Variants in DLG1 observed in about 807,000 individuals in gnomAD.
The protein encoded by DLG1 is discs large MAGUK scaffold protein 1, also known as disks large homolog 1.
A neutral mutation model predicts 123.4 loss-of-function variants in DLG1; 42 were observed. The observed-to-expected ratio is 0.34, with a 90% CI of 0.27 to 0.44. The LOEUF is 0.44. Ranked by LOEUF, DLG1 falls within the 20% of genes least tolerant of loss-of-function variation. The pLI is 1.00. For missense variants in DLG1, 942 were observed against 1,082.6 expected (o/e 0.87, Z 1.82); for synonymous variants, 317 against 356.2 (o/e 0.89, Z 1.24).
intron 3 of DLG1, among the ~76,000 whole-genome samples, chr3:197,284,201 C>G (rs1302254307): frequency 1.3e-5 from 2 of 152,028 alleles, no homozygotes; most frequent in Non-Finnish European, 2.9e-5. Flanking sequence ...CAAAACTTTC[C>G]AAGTAAAGGG....
chr3:197,070,549 C>A (rs1742952276), intron 18 of DLG1: 2 of 126,680 alleles, frequency 1.6e-5, no homozygotes, highest in African/African-American at 2.6e-5. Context: ...AATCACCACA[C>A]CCAGCTGGAA....
chr3:197,197,241 A>G (rs558706603), intron 4 of DLG1, among the ~76,000 whole-genome samples: 28 of 152,234 alleles, frequency 1.8e-4, no homozygotes, highest in Non-Finnish European at 3.5e-4. Flanking sequence ...TCTCACGTTC[A>G]GTCCTTTTGG....
chr3:197,228,587 A>T (rs116079522), intron 4 of DLG1, among the ~76,000 whole-genome samples: 3,528 of 152,322 alleles, frequency 0.023, 56 homozygotes, highest in Non-Finnish European at 0.033. Flanking sequence ...ACCATACCTA[A>T]AACTGCAGAA....
At chr3:197,047,358 T>C (rs986720334) in intron 24 of DLG1, among the ~76,000 whole-genome samples, 11 of 151,950 alleles carry the variant, frequency 7.2e-5, no homozygotes, top group African/African-American at 2.7e-4. Flanking sequence ...GAAGGGTACA[T>C]GAAACTCCCT....
chr3:197,169,661 C>G (rs987045212), intron 5 of DLG1, among the ~76,000 whole-genome samples: 4 of 152,166 alleles, frequency 2.6e-5, no homozygotes, highest in Non-Finnish European at 5.9e-5. Flanking sequence ...AACATACTAT[C>G]TGATAGCTAA....
chr3:197,245,542 A>G (rs570466385), intron 4 of DLG1, among the ~76,000 whole-genome samples: 1 of 152,298 alleles, frequency 6.6e-6, no homozygotes. Flanking sequence ...ATAAATTCCT[A>G]TACATCCATA....
rs58384491 is a variant in DLG1 at position 197,075,317 on chromosome 3, CAAAA to C, written c.2005+1265_2005+1268del. On this transcript the variant is annotated intron_variant, in intron 18 of 24. Coordinates refer to ENST00000667157, the MANE Select transcript of DLG1 (RefSeq NM_001366207.1). ...CTCTTGTGGTAACTTATAACTTTCT[CAAAA>C]AAAAAAAAAAAAAAAAAAAAGAGAT... Among the ~76,000 whole-genome samples the C allele has an allele frequency of 5.8e-3, 520 of 90,310 alleles. 1 individual carries two copies. Among genetic ancestry groups the C allele is most frequent in the African/African-American group, 0.016 (390 of 24,850 alleles). The allele number at this position is 90,310 out of a possible 152,430, so 59.2% of individuals were successfully genotyped here.
chr3:197,047,979 G>C (rs1482135139), intron 24 of DLG1, among the ~76,000 whole-genome samples: 1 of 152,130 alleles, frequency 6.6e-6, no homozygotes, highest in Non-Finnish European at 1.5e-5. Context: ...TATGGAAGAG[G>C]AGAAAATATT....
At chr3:197,060,024 A>G in intron 22 of DLG1, 26 bp from the exon 23 acceptor site, 1 of 1,552,900 alleles carries the variant, frequency 6.4e-7, no homozygotes, top group Non-Finnish European at 8.8e-7. Flanking sequence ...CAAAGAAAAA[A>G]AACAAGTGAG....
chr3:197,297,140 G>C (rs780833054), intron 2 of DLG1, 46 bp downstream of exon 2: 1 of 1,610,598 alleles, frequency 6.2e-7, no homozygotes, highest in South Asian at 1.1e-5. Context: ...CTGACACACG[G>C]AAAAGCAAGT....
At chr3:197,217,580 T>A (rs1225087044) in intron 4 of DLG1, among the ~76,000 whole-genome samples, 1 of 152,102 alleles carries the variant, frequency 6.6e-6, no homozygotes, top group Non-Finnish European at 1.5e-5. Context: ...GTTATAAACA[T>A]ACAATGGAAT....
intron 10 of DLG1, among the ~76,000 whole-genome samples, chr3:197,133,639 C>T (rs1366428960): frequency 6.6e-6 from 1 of 152,164 alleles, no homozygotes; most frequent in Non-Finnish European, 1.5e-5. Context: ...GAGTCGTCTT[C>T]TACACATTAA....
At chr3:197,098,729 A>G (rs1761968397) in intron 14 of DLG1, among the ~76,000 whole-genome samples, 1 of 152,126 alleles carries the variant, frequency 6.6e-6, no homozygotes, top group African/African-American at 2.4e-5. Context: ...ACAGAGTTTC[A>G]TCAAGTTGGC....
At chr3:197,166,655 G>A (rs1381619945) in intron 5 of DLG1, among the ~76,000 whole-genome samples, 7 of 152,064 alleles carry the variant, frequency 4.6e-5, no homozygotes, top group Admixed American at 1.3e-4. Context: ...TTTGGGAGGC[G>A]GAGGTGGGCG....
intron 14 of DLG1, among the ~76,000 whole-genome samples, chr3:197,093,775 TA>T (rs959016860): frequency 3.3e-5 from 5 of 152,288 alleles, no homozygotes; most frequent in Admixed American, 6.5e-5. Flanking sequence ...GCTTTTAACA[TA>T]AATAAACCAG....
chr3:197,176,193 T>C (rs896643993), intron 5 of DLG1, among the ~76,000 whole-genome samples: 1 of 152,096 alleles, frequency 6.6e-6, no homozygotes, highest in African/African-American at 2.4e-5. Context: ...TTTAATAGAC[T>C]TTATATATTT....
At chr3:197,132,674 A>G (rs1480414926) in intron 10 of DLG1, among the ~76,000 whole-genome samples, 1 of 68,586 alleles carries the variant, frequency 1.5e-5, no homozygotes, top group African/African-American at 6.1e-5. Flanking sequence ...GCTGAAATAC[A>G]CATTAAATAG....
chr3:197,213,284 TAGG>T (rs1732202443), intron 4 of DLG1, among the ~76,000 whole-genome samples: 1 of 151,270 alleles, frequency 6.6e-6, no homozygotes, highest in African/African-American at 2.4e-5. Context: ...AAAGCATTAT[TAGG>T]AGCTTTTTTT....
At chr3:197,081,159 T>C in intron 16 of DLG1, 42 bp from the exon 17 acceptor site, 1 of 1,560,602 alleles carries the variant, frequency 6.4e-7, no homozygotes. Flanking sequence ...AAACCAAACA[T>C]ATCTGGGGTC....
Sources: allele counts gnomAD v4.1 joint callset (sites outside exome capture counted in the v4.1 genomes callset), GRCh38; gene constraint gnomAD v4.1.1; transcripts MANE v1.5; gene names NCBI Gene and HGNC (gene_info 2026-07-23, HGNC 2026-07-21).